FOXP2: variants seen among roughly 807,000 people sequenced by gnomAD.
The protein encoded by FOXP2 is forkhead box protein P2.
In FOXP2, 12 loss-of-function variants were observed where a neutral mutation model predicts 115.8. The ratio of observed to expected loss-of-function variants is 0.10; its 90% CI spans 0.07 to 0.17. The LOEUF (loss-of-function observed/expected upper bound fraction) is 0.17, where lower values mean the gene tolerates loss of function less well. Ranked by LOEUF, FOXP2 falls within the 10% of genes least tolerant of loss-of-function variation. The pLI is 1.00. For missense variants in FOXP2, 629 were observed against 843.5 expected (o/e 0.75, Z 3.15); for synonymous variants, 328 against 297.7 (o/e 1.10, Z -1.05).
intron 2 of FOXP2, among the ~76,000 whole-genome samples, chr7:114,533,257 T>C (rs192556975): frequency 2.2e-4 from 33 of 152,048 alleles, no homozygotes; most frequent in Admixed American, 1.8e-3. Flanking sequence ...TACTTTGGTT[T>C]CTATGTCTGC....
chr7:114,392,278 C>CAG (rs1423627608), intron 2 of FOXP2, among the ~76,000 whole-genome samples: 11 of 152,042 alleles, frequency 7.2e-5, no homozygotes, highest in Admixed American at 7.2e-4. Flanking sequence ...TTGGAGTGTC[C>CAG]AACATAAGGT....
intron 11 of FOXP2, 126 bp downstream of exon 11, chr7:114,658,393 T>C: frequency 1.0e-6 from 1 of 1,003,982 alleles, no homozygotes; most frequent in Non-Finnish European, 1.5e-6. Flanking sequence ...GTGATAATTG[T>C]TTTATTCCTG....
At chr7:114,308,190 A>G (rs1797061399) in intron 2 of FOXP2, among the ~76,000 whole-genome samples, 1 of 152,154 alleles carries the variant, frequency 6.6e-6, no homozygotes. Context: ...ATGGGAATAG[A>G]AGAAGAACTT....
chr7:114,276,241 C>T (rs757206968), intron 1 of FOXP2, among the ~76,000 whole-genome samples: 6 of 149,958 alleles, frequency 4.0e-5, no homozygotes, highest in Non-Finnish European at 8.9e-5. Context: ...TCGCTGTGAG[C>T]TCTGACCCCT....
At chr7:114,435,539 G>C (rs1794302560) in intron 2 of FOXP2, among the ~76,000 whole-genome samples, 1 of 152,030 alleles carries the variant, frequency 6.6e-6, no homozygotes, top group South Asian at 2.1e-4. Context: ...AAGTTAGTTT[G>C]TTGTTTGTTT....
At position 114,255,522 on chromosome 7, in the gene FOXP2, C is replaced by A. The variant is rs191543008; in HGVS notation, c.-101-32497C>A. Among the ~76,000 whole-genome samples the A allele has an allele frequency of 4.6e-3, 707 of 152,306 alleles. 10 individuals are homozygous for A. Among genetic ancestry groups the A allele is most frequent in the African/African-American group, 0.016 (666 of 41,578 alleles). ...CGCCCGTCCCTCAGCCTAGCTGCGG[C>A]CTTGCAGTTTGATCTCAGACTGCTG... On this transcript the variant is annotated intron_variant, in intron 1 of 17. Transcript: ENST00000634411.
At chr7:114,440,351 T>G (rs1373278720) in intron 2 of FOXP2, among the ~76,000 whole-genome samples, 2 of 152,224 alleles carry the variant, frequency 1.3e-5, no homozygotes, top group East Asian at 3.9e-4. Context: ...ACTGCTATAA[T>G]TCAAATATAT....
At chr7:114,475,198 A>G (rs1017316787) in intron 2 of FOXP2, among the ~76,000 whole-genome samples, 1 of 152,116 alleles carries the variant, frequency 6.6e-6, no homozygotes, top group African/African-American at 2.4e-5. Flanking sequence ...ATATATTTTA[A>G]GGTGACCCCT....
At chr7:114,558,656 C>T (rs910837807) in intron 3 of FOXP2, among the ~76,000 whole-genome samples, 1 of 152,078 alleles carries the variant, frequency 6.6e-6, no homozygotes, top group Non-Finnish European at 1.5e-5. Flanking sequence ...TCATCTTTAC[C>T]CCACCCCGTC....
Position 114,141,117 on chromosome 7 carries a change from TA to T in FOXP2, c.-246-21823del, listed in dbSNP as rs535270988. On this transcript the variant is annotated intron_variant, in intron 1 of 19. Coordinates refer to the FOXP2 transcript ENST00000635638. ...CTTTCTTCCTCACTTAAGTTCTGAATAAAATGAGAAAGAAAAGAAAGGCCCA... is the reference window on the plus strand; with the variant it reads ...CTTTCTTCCTCACTTAAGTTCTGAATAAATGAGAAAGAAAAGAAAGGCCCA... Among the ~76,000 whole-genome samples the T allele has an allele frequency of 2.4e-4, 37 of 152,138 alleles. No individual in the cohort carries two copies. The East Asian group carries it at 6.8e-3, about 28-fold the overall frequency.
At chr7:114,209,191 G>A (rs1794281065) in intron 1 of FOXP2, among the ~76,000 whole-genome samples, 1 of 152,162 alleles carries the variant, frequency 6.6e-6, no homozygotes. Context: ...TCCCTCCTTT[G>A]CTGGACATTC....
At chr7:114,682,816 T>C (rs1808165916) in intron 16 of FOXP2, among the ~76,000 whole-genome samples, 1 of 152,196 alleles carries the variant, frequency 6.6e-6, no homozygotes, top group Admixed American at 6.5e-5. Flanking sequence ...GATCCAAAAA[T>C]GAGAAACCTA....
At chr7:114,513,583 G>A (rs1798181261) in intron 2 of FOXP2, among the ~76,000 whole-genome samples, 1 of 152,054 alleles carries the variant, frequency 6.6e-6, no homozygotes, top group African/African-American at 2.4e-5. Context: ...AACCATTGTA[G>A]TAGATGTCCT....
At chr7:114,656,427 G>A (rs1414451962) in intron 10 of FOXP2, 1 of 423,838 alleles carries the variant, frequency 2.4e-6, no homozygotes, top group South Asian at 1.7e-5. Flanking sequence ...ATGTTCTGAT[G>A]TTGATATTTT....
chr7:114,359,214 G>A (rs1406147398), intron 2 of FOXP2, among the ~76,000 whole-genome samples: 3 of 152,156 alleles, frequency 2.0e-5, no homozygotes, highest in Non-Finnish European at 4.4e-5. Context: ...CCCAAGCCTT[G>A]GTAGCTTACA....
chr7:114,352,589 C>G (rs1436064695), intron 2 of FOXP2, among the ~76,000 whole-genome samples: 1 of 152,122 alleles, frequency 6.6e-6, no homozygotes, highest in African/African-American at 2.4e-5. Flanking sequence ...GCTAGAAGCC[C>G]TTGATTAAAG....
chr7:114,169,899 C>T (rs1247039728), intron 1 of FOXP2, among the ~76,000 whole-genome samples: 1 of 152,178 alleles, frequency 6.6e-6, no homozygotes, highest in African/African-American at 2.4e-5. Context: ...TGCACAAGCT[C>T]TCTCTTTGCC....
intron 16 of FOXP2, among the ~76,000 whole-genome samples, chr7:114,671,016 A>AT (rs1807460207): frequency 6.6e-6 from 1 of 151,898 alleles, no homozygotes; most frequent in East Asian, 1.9e-4. Flanking sequence ...TTAATTAACA[A>AT]TTTTTCAGTC....
chr7:114,610,374 T>A (rs1803563644), intron 3 of FOXP2, among the ~76,000 whole-genome samples: 1 of 152,188 alleles, frequency 6.6e-6, no homozygotes, highest in South Asian at 2.1e-4. Flanking sequence ...ACATTACTTT[T>A]TAAACAAATA....
Sources: gnomAD v4.1 joint callset for allele counts (sites outside exome capture counted in the v4.1 genomes callset) on GRCh38, gnomAD v4.1.1 for gene constraint, MANE v1.5 for transcripts, NCBI Gene and HGNC (gene_info 2026-07-23, HGNC 2026-07-21) for gene names.